The following GRIP1 variants were observed in gnomAD, a reference collection of about 807,000 sequenced individuals.
GRIP1 encodes glutamate receptor-interacting protein 1.
A neutral mutation model predicts 129.9 loss-of-function variants in GRIP1; 45 were observed. The ratio of observed to expected loss-of-function variants is 0.35; its 90% CI spans 0.27 to 0.44. The LOEUF (loss-of-function observed/expected upper bound fraction) is 0.44. GRIP1 is among the 20% of genes least tolerant of loss of function. GRIP1 has a pLI of 1.00. For synonymous variants in GRIP1, 530 were observed against 520.8 expected (o/e 1.02, Z -0.24); for missense variants, 1,196 against 1,396.8 (o/e 0.86, Z 2.29).
intron 7 of GRIP1, among the ~76,000 whole-genome samples, chr12:66,474,850 A>G (rs933109716): frequency 2.6e-5 from 4 of 152,182 alleles, no homozygotes; most frequent in Non-Finnish European, 4.4e-5. Flanking sequence ...GAAAGGAACA[A>G]CCGGTCCCAG....
rs775296788 is a variant in GRIP1 at position 66,445,785 on chromosome 12, GT to G, written c.1355-278del. On this transcript the variant is annotated intron_variant, in intron 11 of 24. Transcript: ENST00000359742. ...TTTAAGAGGATGGCCTTAGGGTCAG[GT>G]TACATGGGTTTTAGTCCTGGCTCTA... Among the ~76,000 whole-genome samples the G allele has an allele frequency of 6.8e-4, 104 of 152,260 alleles. 1 individual carries two copies. The highest frequency in any genetic ancestry group is 5.3e-4 in the Non-Finnish European group (36 of 68,008).
chr12:66,477,400 C>T lies in GRIP1; in HGVS notation c.725-11978G>A, dbSNP rs191597000. ...AAGAGGATACAAACAAATGGAAGAA[C>T]ATTCCATGCTCATAGATAGGAAGAA... On this transcript the variant is annotated intron_variant, in intron 7 of 24. Coordinates refer to ENST00000359742, the MANE Select transcript of GRIP1 (RefSeq NM_001366722.1). 6.4e-4 allele frequency among the ~76,000 whole-genome samples: 97 copies of T among 151,956 alleles called. 3 individuals carry two copies. Among genetic ancestry groups the T allele is most frequent in the Middle Eastern group, 6.8e-3 (2 of 294 alleles).
At position 66,379,336 on chromosome 12, in the gene GRIP1, C is replaced by T. The variant is rs775156728; in HGVS notation, c.2565G>A (p.Gln855=). Residue 855 remains glutamine (Q), a synonymous_variant, in exon 20 of 25, where the codon CAG becomes CAA. Transcript: ENST00000359742. ...AACTCAGCCCCACATCTGGGTAAGTCTGGCTTCGAGGCTTAGTGACTGGGG... is the reference window on the plus strand; with the variant it reads ...AACTCAGCCCCACATCTGGGTAAGTTTGGCTTCGAGGCTTAGTGACTGGGG... The part of the protein sequence containing the change: ...SLSPVTKPRS[Q]TYPDVGLSYE... The T allele has an allele frequency of 6.2e-7, 1 of 1,614,044 alleles. No individual in the cohort carries two copies. Among genetic ancestry groups the T allele is most frequent in the Non-Finnish European group, 8.5e-7 (1 of 1,179,922 alleles).
At chr12:66,949,501 GAAAT>G (rs2041721582) in intron 1 of GRIP1, among the ~76,000 whole-genome samples, 1 of 152,122 alleles carries the variant, frequency 6.6e-6, no homozygotes, top group South Asian at 2.1e-4. Flanking sequence ...ATGGTCACAG[GAAAT>G]AAATAAAGGA....
At chr12:66,720,052 T>C (rs2036013008) in intron 1 of GRIP1, among the ~76,000 whole-genome samples, 1 of 152,136 alleles carries the variant, frequency 6.6e-6, no homozygotes, top group Non-Finnish European at 1.5e-5. Context: ...ATTTCAGACA[T>C]TATAAATGCT....
At chr12:66,895,797 C>T (rs1316309162) in intron 1 of GRIP1, among the ~76,000 whole-genome samples, 2 of 152,234 alleles carry the variant, frequency 1.3e-5, no homozygotes, top group South Asian at 2.1e-4. Context: ...GTTATATACA[C>T]TCCATAGTAC....
intron 1 of GRIP1, among the ~76,000 whole-genome samples, chr12:66,969,081 G>A (rs1056108343): frequency 2.6e-5 from 4 of 152,074 alleles, no homozygotes; most frequent in Non-Finnish European, 5.9e-5. Context: ...GAAGTCCACT[G>A]TAATTCTTAT....
intron 5 of GRIP1, among the ~76,000 whole-genome samples, chr12:66,523,648 C>T (rs951766649): frequency 6.6e-6 from 1 of 151,730 alleles, no homozygotes; most frequent in Non-Finnish European, 1.5e-5. Context: ...CAGCTAACAT[C>T]ATAATGACAG....
At chr12:66,393,770 C>T (rs2056684718) in intron 17 of GRIP1, among the ~76,000 whole-genome samples, 1 of 152,038 alleles carries the variant, frequency 6.6e-6, no homozygotes, top group African/African-American at 2.4e-5. Context: ...ACTTTGTTTC[C>T]CATAATCCTT....
chr12:66,355,328 G>C (rs2054433687), intron 23 of GRIP1, among the ~76,000 whole-genome samples: 1 of 152,174 alleles, frequency 6.6e-6, no homozygotes, highest in Non-Finnish European at 1.5e-5. Context: ...GTAGAGCAGT[G>C]AGCAAAACAC....
intron 17 of GRIP1, among the ~76,000 whole-genome samples, chr12:66,393,169 ATTTTTTTTTTT>A (rs60982107): frequency 1.9e-4 from 15 of 78,884 alleles, no homozygotes; most frequent in South Asian, 6.2e-4. Flanking sequence ...CTTTCTACAG[ATTTTTTTTTTT>A]TTTTTTTTTT....
chr12:66,566,876 G>A (rs932899178), intron 2 of GRIP1, among the ~76,000 whole-genome samples: 27 of 152,108 alleles, frequency 1.8e-4, no homozygotes, highest in African/African-American at 6.5e-4. Context: ...TGTATGTGTC[G>A]AGGAATTTAC....
In GRIP1 at chr12:66,970,577, T is replaced by C. The variant is rs535551557; in HGVS notation, c.58+98473A>G. Reference sequence around the variant, plus strand: ...TTTTTTTCATCTCTCCTGTTGTCTTTGGACTTTCCTGAGACCCCCTCTCCT... The same window carrying C: ...TTTTTTTCATCTCTCCTGTTGTCTTCGGACTTTCCTGAGACCCCCTCTCCT... On this transcript the variant is annotated intron_variant, in intron 1 of 1. Coordinates refer to the GRIP1 transcript ENST00000643019. Among the ~76,000 whole-genome samples the C allele has an allele frequency of 9.9e-4, 146 of 147,832 alleles. 1 individual carries two copies. Among genetic ancestry groups the C allele is most frequent in the African/African-American group, 3.5e-3 (141 of 40,086 alleles).
At chr12:66,450,432 T>C (rs565714615) in intron 11 of GRIP1, among the ~76,000 whole-genome samples, 1 of 151,306 alleles carries the variant, frequency 6.6e-6, no homozygotes, top group African/African-American at 2.4e-5. Context: ...TATGTTTTTT[T>C]AAACAGAGAA....
At position 66,790,369 on chromosome 12, in the gene GRIP1, ATCGT is replaced by A. The variant is rs2038491827; in HGVS notation, c.-420+13680_-420+13683del. The stretch of plus-strand genomic sequence containing the variant: ...CCTCAAAAAATTTTAGCCTTGAGGC[ATCGT>A]AAACTGTCAAGTATCTTTCCAGTAG... On this transcript the variant is annotated intron_variant, in intron 1 of 4. Transcript: ENST00000538373. Among the ~76,000 whole-genome samples the A allele has an allele frequency of 2.0e-5, 3 of 152,332 alleles. No individual in the cohort carries two copies. In the South Asian group the frequency reaches 6.2e-4, roughly 32 times the overall value.
chr12:66,956,115 C>T (rs1413226933), intron 1 of GRIP1, among the ~76,000 whole-genome samples: 1 of 152,196 alleles, frequency 6.6e-6, no homozygotes. Flanking sequence ...ATTCTATTAA[C>T]CAAACTCGGC....
chr12:67,043,168 C>T (rs1178620835), intron 1 of GRIP1, among the ~76,000 whole-genome samples: 1 of 152,094 alleles, frequency 6.6e-6, no homozygotes, highest in Non-Finnish European at 1.5e-5. Flanking sequence ...AGTTCTATGG[C>T]CATCATTGAA....
chr12:66,444,749 G>A lies in GRIP1; in HGVS notation c.1542-20C>T, dbSNP rs928017678. ...CCACATCTAATTTAGAACCACATGT[G>A]AGAGGTTGTAGATGGAGTAAATAAT... On this transcript the variant is annotated intron_variant, in intron 12 of 24. Transcript: ENST00000359742. 2.5e-6 allele frequency: 4 copies of A among 1,612,976 alleles called. No homozygotes were observed. The African/African-American group carries it at 4.0e-5, about 16-fold the overall frequency.
At chr12:66,925,610 C>T (rs2137380188) in intron 1 of GRIP1, among the ~76,000 whole-genome samples, 1 of 152,244 alleles carries the variant, frequency 6.6e-6, no homozygotes, top group East Asian at 1.9e-4. Context: ...CTATAATCTA[C>T]TACAATATAC....
Sources: allele counts gnomAD v4.1 joint callset (sites outside exome capture counted in the v4.1 genomes callset), GRCh38; gene constraint gnomAD v4.1.1; transcripts MANE v1.5; gene names NCBI Gene and HGNC (gene_info 2026-07-23, HGNC 2026-07-21).